The following ASXL3 variants were observed in gnomAD, a reference collection of about 807,000 sequenced individuals.
ASXL3 encodes ASXL transcriptional regulator 3.
ASXL3 carries 34 observed loss-of-function variants against 170.6 expected under a neutral mutation model. That is an observed-to-expected ratio of 0.20 (90% CI 0.15 to 0.27). The LOEUF (loss-of-function observed/expected upper bound fraction) is 0.27. ASXL3 is among the 10% of genes least tolerant of loss of function. The pLI, the probability that ASXL3 is intolerant of heterozygous loss-of-function variation, is 1.00. For synonymous variants in ASXL3, 1,002 were observed against 989.1 expected (o/e 1.01, Z -0.24); for missense variants, 2,592 against 2,695.3 (o/e 0.96, Z 0.85).
intron 8 of ASXL3, among the ~76,000 whole-genome samples, chr18:33,724,498 G>T (rs1477018984): frequency 6.6e-6 from 1 of 151,976 alleles, no homozygotes; most frequent in African/African-American, 2.4e-5. Flanking sequence ...ATCACATGTG[G>T]CTGTTTCTGT....
chr18:33,698,208 ACTTT>A (rs1409791964), intron 8 of ASXL3, among the ~76,000 whole-genome samples: 4 of 152,098 alleles, frequency 2.6e-5, no homozygotes, highest in African/African-American at 4.8e-5. Flanking sequence ...GCCTGCCTGG[ACTTT>A]CTTTCTCTTA....
chr18:33,616,468 T>C (rs1184354983), intron 2 of ASXL3, among the ~76,000 whole-genome samples: 1 of 152,010 alleles, frequency 6.6e-6, no homozygotes, highest in Non-Finnish European at 1.5e-5. Flanking sequence ...CTGGTAGTTA[T>C]CACATTGTTG....
intron 8 of ASXL3, among the ~76,000 whole-genome samples, chr18:33,687,639 T>TG (rs2145295734): frequency 6.6e-6 from 1 of 152,210 alleles, no homozygotes; most frequent in East Asian, 1.9e-4. Context: ...ATCTTGACAA[T>TG]GCCAGCTGTT....
intron 8 of ASXL3, among the ~76,000 whole-genome samples, chr18:33,699,061 T>C (rs1721253409): frequency 6.6e-6 from 1 of 152,090 alleles, no homozygotes; most frequent in Non-Finnish European, 1.5e-5. Flanking sequence ...GGTAACAGTA[T>C]ATAGAAATGC....
At chr18:33,691,338 C>G (rs1221175504) in intron 8 of ASXL3, among the ~76,000 whole-genome samples, 1 of 152,144 alleles carries the variant, frequency 6.6e-6, no homozygotes, top group Non-Finnish European at 1.5e-5. Context: ...CTTCACTGTT[C>G]TCTGTGGTGT....
chr18:33,667,032 C>T (rs954763396), intron 5 of ASXL3, among the ~76,000 whole-genome samples: 1 of 152,100 alleles, frequency 6.6e-6, no homozygotes, highest in Non-Finnish European at 1.5e-5. Flanking sequence ...ATAGAGCCTG[C>T]ACTGAGGGGA....
At chr18:33,639,904 A>G (rs1205574373) in intron 2 of ASXL3, among the ~76,000 whole-genome samples, 1 of 152,172 alleles carries the variant, frequency 6.6e-6, no homozygotes, top group African/African-American at 2.4e-5. Flanking sequence ...ATATTATTTG[A>G]TAAATATTTT....
At chr18:33,663,830 G>A (rs145433155) in intron 5 of ASXL3, among the ~76,000 whole-genome samples, 1 of 152,182 alleles carries the variant, frequency 6.6e-6, no homozygotes, top group African/African-American at 2.4e-5. Flanking sequence ...GACTGAACAT[G>A]CAGCATTTTA....
chr18:33,687,746 CT>C (rs1568328580), intron 8 of ASXL3, among the ~76,000 whole-genome samples: 5 of 152,148 alleles, frequency 3.3e-5, no homozygotes, highest in African/African-American at 4.8e-5. Flanking sequence ...TTAATTTACC[CT>C]TAGTTGTTTC....
chr18:33,583,500 A>G (rs2065010206), intron 1 of ASXL3, among the ~76,000 whole-genome samples: 1 of 152,140 alleles, frequency 6.6e-6, no homozygotes, highest in African/African-American at 2.4e-5. Context: ...TTTCTGTTTT[A>G]CAGTTTGAAA....
At chr18:33,587,153 C>T (rs746934925) in intron 1 of ASXL3, among the ~76,000 whole-genome samples, 1 of 152,138 alleles carries the variant, frequency 6.6e-6, no homozygotes, top group Non-Finnish European at 1.5e-5. Context: ...ACCAAAAGTA[C>T]CCCAGGCCGT....
chr18:33,594,623 A>G (rs1473958714), intron 1 of ASXL3, among the ~76,000 whole-genome samples: 3 of 152,200 alleles, frequency 2.0e-5, no homozygotes, highest in Non-Finnish European at 4.4e-5. Flanking sequence ...AGTTTAAGAA[A>G]CAAGACCAGA....
chr18:33,719,535 G>T (rs987258146), intron 8 of ASXL3, among the ~76,000 whole-genome samples: 1 of 152,016 alleles, frequency 6.6e-6, no homozygotes, highest in Admixed American at 6.6e-5. Flanking sequence ...AATGGAAAAG[G>T]TATCATTTTA....
At chr18:33,682,747 T>C (rs1458344301) in intron 7 of ASXL3, among the ~76,000 whole-genome samples, 1 of 152,062 alleles carries the variant, frequency 6.6e-6, no homozygotes, top group African/African-American at 2.4e-5. Flanking sequence ...AGATGTGGTC[T>C]CACCATGTTG....
chr18:33,704,313 A>G (rs1336539431), intron 8 of ASXL3, among the ~76,000 whole-genome samples: 1 of 152,120 alleles, frequency 6.6e-6, no homozygotes, highest in African/African-American at 2.4e-5. Context: ...AAAAAGAATT[A>G]TATTAAAGTA....
intron 3 of ASXL3, among the ~76,000 whole-genome samples, chr18:33,645,313 A>T (rs72960063): frequency 3.9e-4 from 59 of 152,110 alleles, no homozygotes; most frequent in Non-Finnish European, 7.1e-4. Flanking sequence ...AGATGAGCAG[A>T]GTTACCATGA....
intron 2 of ASXL3, among the ~76,000 whole-genome samples, chr18:33,639,759 G>A (rs1046606931): frequency 2.0e-5 from 3 of 152,062 alleles, no homozygotes; most frequent in Non-Finnish European, 4.4e-5. Flanking sequence ...GTTTTTAATA[G>A]GATAAGAGTT....
intron 8 of ASXL3, among the ~76,000 whole-genome samples, chr18:33,684,156 T>A (rs2066556017): frequency 6.6e-6 from 1 of 152,174 alleles, no homozygotes; most frequent in Non-Finnish European, 1.5e-5. Context: ...CCATCAATCA[T>A]CTTTTAAAGC....
chr18:33,583,255 C>T (rs991791113), intron 1 of ASXL3, among the ~76,000 whole-genome samples: 1 of 152,056 alleles, frequency 6.6e-6, no homozygotes, highest in African/African-American at 2.4e-5. Flanking sequence ...ATCAGGTATT[C>T]TTAAGAGTTG....
Sources: gnomAD v4.1 joint callset for allele counts (sites outside exome capture counted in the v4.1 genomes callset) on GRCh38, gnomAD v4.1.1 for gene constraint, MANE v1.5 for transcripts, NCBI Gene and HGNC (gene_info 2026-07-23, HGNC 2026-07-21) for gene names.